EDIL3: variants seen among roughly 807,000 people sequenced by gnomAD.
EDIL3 encodes the protein EGF-like repeat and discoidin I-like domain-containing protein 3.
EDIL3 carries 37 observed loss-of-function variants against 67.4 expected under a neutral mutation model. That is an observed-to-expected ratio of 0.55 (90% CI 0.42 to 0.72). The LOEUF (loss-of-function observed/expected upper bound fraction) is 0.72. Ranked by LOEUF, EDIL3 falls within the 30% of genes least tolerant of loss-of-function variation. The pLI, the probability that EDIL3 is intolerant of heterozygous loss-of-function variation, is 0.00. For missense variants in EDIL3, 527 were observed against 586.3 expected (o/e 0.90, Z 1.04); for synonymous variants, 195 against 196.3 (o/e 0.99, Z 0.05).
Position 84,161,083 on chromosome 5 carries a change from C to A in EDIL3, c.355+19310G>T, listed in dbSNP as rs578126934. On this transcript the variant is annotated intron_variant, in intron 4 of 10. Coordinates refer to ENST00000296591, the MANE Select transcript of EDIL3 (RefSeq NM_005711.5). The stretch of plus-strand genomic sequence containing the variant: ...CTTAGCTCCCACTTACAAATGAGAA[C>A]ATACAATAGTTGGTTTTCCATTCCT... Among the ~76,000 whole-genome samples, 21 of 152,056 alleles carry A rather than the reference C, an allele frequency of 1.4e-4. No individual in the cohort carries two copies. In the South Asian group the frequency reaches 1.5e-3, roughly 11 times the overall value.
At chr5:84,004,856 T>C (rs549306122) in intron 9 of EDIL3, among the ~76,000 whole-genome samples, 1 of 152,022 alleles carries the variant, frequency 6.6e-6, no homozygotes, top group South Asian at 2.1e-4. Context: ...CTGAATTAAG[T>C]AGAGATGAGA....
intron 6 of EDIL3, among the ~76,000 whole-genome samples, chr5:84,087,931 T>C (rs575014513): frequency 6.6e-6 from 1 of 152,304 alleles, no homozygotes; most frequent in African/African-American, 2.4e-5. Flanking sequence ...CTTGGGAATA[T>C]GTTTTTTCTA....
intron 1 of EDIL3, among the ~76,000 whole-genome samples, chr5:84,304,133 A>T (rs912782250): frequency 6.6e-6 from 1 of 152,188 alleles, no homozygotes; most frequent in African/African-American, 2.4e-5. Context: ...ATATATGAAG[A>T]TACAGAAGTA....
At chr5:84,050,550 A>C (rs974230619) in intron 9 of EDIL3, among the ~76,000 whole-genome samples, 6 of 152,168 alleles carry the variant, frequency 3.9e-5, no homozygotes, top group African/African-American at 1.4e-4. Flanking sequence ...GGGTCAGGGA[A>C]TTCCCTTTCA....
chr5:84,137,151 A>G, intron 5 of EDIL3, 90 bp downstream of exon 5: 2 of 863,042 alleles, frequency 2.3e-6, no homozygotes, highest in Non-Finnish European at 3.4e-6. Context: ...ACATAAAAAT[A>G]TATATGCATA....
intron 2 of EDIL3, among the ~76,000 whole-genome samples, chr5:84,249,223 G>A (rs1289932599): frequency 1.3e-5 from 2 of 151,708 alleles, no homozygotes; most frequent in Non-Finnish European, 2.9e-5. Flanking sequence ...GTAGTTTTTA[G>A]TCTGCAATAG....
intron 9 of EDIL3, among the ~76,000 whole-genome samples, chr5:84,032,875 A>G (rs770974690): frequency 2.0e-4 from 30 of 152,220 alleles, no homozygotes; most frequent in Non-Finnish European, 3.7e-4. Flanking sequence ...AATATGCTCT[A>G]TATGACCAGA....
chr5:84,173,306 C>T (rs1748843740), intron 4 of EDIL3, among the ~76,000 whole-genome samples: 1 of 152,056 alleles, frequency 6.6e-6, no homozygotes, highest in Non-Finnish European at 1.5e-5. Flanking sequence ...TGACCCTGCT[C>T]CAAGCAGCCA....
chr5:84,119,888 C>CT lies in EDIL3; in HGVS notation c.470-13059dup, dbSNP rs143280170. Reference sequence around the variant, plus strand: ...CTGATTTCTGTATCTTCAGCATATCCTTTTTTTTGTTTCATCATGACTTAT... The same window carrying CT: ...CTGATTTCTGTATCTTCAGCATATCCTTTTTTTTTGTTTCATCATGACTTAT... On this transcript the variant is annotated intron_variant, in intron 5 of 10. Coordinates refer to ENST00000296591, the MANE Select transcript of EDIL3 (RefSeq NM_005711.5). Among the ~76,000 whole-genome samples, 1,365 of 151,602 alleles carry CT rather than the reference C, an allele frequency of 9.0e-3. 25 individuals are homozygous for CT. Among genetic ancestry groups the CT allele is most frequent in the African/African-American group, 0.03 (1,261 of 41,376 alleles).
At chr5:84,383,725 G>C (rs1748145193) in intron 1 of EDIL3, among the ~76,000 whole-genome samples, 1 of 152,138 alleles carries the variant, frequency 6.6e-6, no homozygotes, top group African/African-American at 2.4e-5. Context: ...GGGGAGGCAG[G>C]AGAAAGCTGA....
intron 6 of EDIL3, among the ~76,000 whole-genome samples, chr5:84,075,615 C>T (rs959195438): frequency 1.3e-5 from 2 of 151,972 alleles, no homozygotes; most frequent in East Asian, 3.9e-4. Context: ...AGCTGGGATT[C>T]CAGGCGTGTG....
chr5:84,040,559 T>C (rs923150838), intron 9 of EDIL3, among the ~76,000 whole-genome samples: 1 of 150,436 alleles, frequency 6.6e-6, no homozygotes, highest in African/African-American at 2.4e-5. Flanking sequence ...AAATTACAGA[T>C]ACGAAAACAG....
At chr5:83,988,419 T>G (rs545132295) in intron 9 of EDIL3, among the ~76,000 whole-genome samples, 1 of 152,334 alleles carries the variant, frequency 6.6e-6, no homozygotes, top group Admixed American at 6.5e-5. Context: ...CCATAAGTGC[T>G]AGAGGAAAAC....
chr5:84,273,216 C>T (rs955510524), intron 1 of EDIL3, among the ~76,000 whole-genome samples: 1 of 152,086 alleles, frequency 6.6e-6, no homozygotes, highest in Non-Finnish European at 1.5e-5. Flanking sequence ...ACATTTCGGC[C>T]CTCAATGTAC....
At chr5:84,124,644 T>C (rs990120526) in intron 5 of EDIL3, among the ~76,000 whole-genome samples, 3 of 151,938 alleles carry the variant, frequency 2.0e-5, no homozygotes, top group Non-Finnish European at 4.4e-5. Context: ...ATTTTATGTG[T>C]TACTTTGTAT....
intron 1 of EDIL3, among the ~76,000 whole-genome samples, chr5:84,269,999 T>G (rs570483436): frequency 6.6e-6 from 1 of 152,310 alleles, no homozygotes; most frequent in South Asian, 2.1e-4. Context: ...CTCTATGATC[T>G]CTCTCTAAAG....
intron 1 of EDIL3, among the ~76,000 whole-genome samples, chr5:84,351,456 A>C (rs17206453): frequency 0.033 from 5,028 of 152,242 alleles, 121 homozygotes; most frequent in Non-Finnish European, 0.049. Context: ...AAAACAGTGA[A>C]TTGGGCTTTA....
chr5:84,253,002 AAAATAAAGC>A (rs1745053975), intron 2 of EDIL3, among the ~76,000 whole-genome samples: 1 of 152,242 alleles, frequency 6.6e-6, no homozygotes, highest in African/African-American at 2.4e-5. Flanking sequence ...ATTCATTAAA[AAAATAAAGC>A]ACACTACAAT....
chr5:84,000,329 T>G (rs1165208407), intron 9 of EDIL3, among the ~76,000 whole-genome samples: 1 of 152,046 alleles, frequency 6.6e-6, no homozygotes, highest in Non-Finnish European at 1.5e-5. Context: ...CTCTCAAAAA[T>G]AATACCTATG....
Sources: allele counts gnomAD v4.1 joint callset (sites outside exome capture counted in the v4.1 genomes callset), GRCh38; gene constraint gnomAD v4.1.1; transcripts MANE v1.5; gene names NCBI Gene and HGNC (gene_info 2026-07-23, HGNC 2026-07-21).